AP4S1: variants seen among roughly 807,000 people sequenced by gnomAD.
The protein encoded by AP4S1 is adaptor related protein complex 4 subunit sigma 1.
A neutral mutation model predicts 19.8 loss-of-function variants in AP4S1; 23 were observed. The ratio of observed to expected loss-of-function variants is 1.16; its 90% CI spans 0.84 to 1.65. The LOEUF is 1.65. Ranked by LOEUF, AP4S1 falls within the 40% of genes most tolerant of loss-of-function variation. The pLI, the probability that AP4S1 is intolerant of heterozygous loss-of-function variation, is 0.00. For synonymous variants in AP4S1, 46 were observed against 54.1 expected (o/e 0.85, Z 0.66); for missense variants, 166 against 172.8 (o/e 0.96, Z 0.22).
chr14:31,076,759 T>C (rs10143450), intron 4 of AP4S1, among the ~76,000 whole-genome samples: 33,291 of 152,014 alleles, frequency 0.22, 3,948 homozygotes, highest in African/African-American at 0.28. Context: ...GATCTCTGTG[T>C]CTAGCCTTAC....
rs1270181163 is a variant in AP4S1 at position 31,049,510 on chromosome 14, T to C, written c.-71-16616T>C. 2.4e-3 allele frequency among the ~76,000 whole-genome samples: 135 copies of C among 56,256 alleles called. 1 individual carries two copies. The highest frequency in any genetic ancestry group is 0.012 in the East Asian group (20 of 1,666). 36.9% of individuals were successfully genotyped at this position (56,256 alleles called of 152,430 possible). ...ACACACACACACACACACACACACA[T>C]AAATTACCCTCAAGCCTAAACATCT... On this transcript the variant is annotated intron_variant, in intron 1 of 5. Transcript: ENST00000542754.
chr14:31,090,775 A>AAAC (rs1566549909), intron 5 of AP4S1, among the ~76,000 whole-genome samples: 1 of 152,250 alleles, frequency 6.6e-6, no homozygotes, highest in African/African-American at 2.4e-5. Flanking sequence ...ATCAAGATGT[A>AAAC]AACAACAGCT....
chr14:31,048,261 C>G (rs1304696313), intron 1 of AP4S1, among the ~76,000 whole-genome samples: 1 of 151,494 alleles, frequency 6.6e-6, no homozygotes, highest in Non-Finnish European at 1.5e-5. Flanking sequence ...ACCTGGCTAA[C>G]TTTTTGTATT....
intron 1 of AP4S1, among the ~76,000 whole-genome samples, chr14:31,042,529 A>G (rs1171152405): frequency 1.3e-5 from 2 of 152,004 alleles, no homozygotes; most frequent in African/African-American, 4.8e-5. Context: ...TCCATCCCCC[A>G]CTCCACAGAC....
intron 1 of AP4S1, 122 bp downstream of exon 1, chr14:31,025,909 G>T: frequency 1.2e-6 from 2 of 1,600,606 alleles, no homozygotes; most frequent in East Asian, 2.3e-5. Flanking sequence ...GGTACCTGCA[G>T]TTCGGCCCGT....
intron 1 of AP4S1, among the ~76,000 whole-genome samples, chr14:31,063,284 G>T (rs1456649655): frequency 2.0e-5 from 3 of 152,058 alleles, no homozygotes; most frequent in Non-Finnish European, 4.4e-5. Flanking sequence ...ACAAAAATCA[G>T]CAAGGCATGG....
intron 2 of AP4S1, among the ~76,000 whole-genome samples, chr14:31,067,432 C>T (rs1375909730): frequency 1.6e-5 from 2 of 126,846 alleles, no homozygotes; most frequent in African/African-American, 2.9e-5. Flanking sequence ...CTCCCCCCAC[C>T]CTACCACAGG....
Position 31,082,765 on chromosome 14 carries a change from G to A in AP4S1, c.306+2181G>A, listed in dbSNP as rs557256162. 5.3e-3 allele frequency among the ~76,000 whole-genome samples: 804 copies of A among 152,106 alleles called. 4 individuals are homozygous for A. The highest frequency in any genetic ancestry group is 0.024 in the Middle Eastern group (7 of 294). ...CAAAAAATTAGCCGGGCGCGGTGGC[G>A]GGCGCCTGTAGTCCCAGCTACTTGG... On this transcript the variant is annotated intron_variant, in intron 5 of 5. Coordinates refer to ENST00000542754, the MANE Select transcript of AP4S1 (RefSeq NM_001128126.3).
At chr14:31,074,428 C>T (rs550112470) in intron 4 of AP4S1, among the ~76,000 whole-genome samples, 6 of 151,106 alleles carry the variant, frequency 4.0e-5, no homozygotes, top group Admixed American at 1.3e-4. Context: ...CGAGGCAGGC[C>T]GATCATGAGG....
intron 5 of AP4S1, chr14:31,083,612 C>T (rs1287038792): frequency 2.3e-6 from 1 of 442,294 alleles, no homozygotes; most frequent in Non-Finnish European, 4.5e-6. Context: ...TCAAGTGATC[C>T]TCCTACCTCA....
intron 5 of AP4S1, chr14:31,084,679 C>G (rs1395070988): frequency 2.5e-6 from 4 of 1,585,374 alleles, no homozygotes; most frequent in Admixed American, 1.8e-5. Flanking sequence ...ATTTGTGAAG[C>G]CTGTTTCTAC....
chr14:31,071,935 G>T (rs1887033658), intron 3 of AP4S1, among the ~76,000 whole-genome samples: 1 of 149,714 alleles, frequency 6.7e-6, no homozygotes, highest in South Asian at 2.1e-4. Flanking sequence ...TTTTTTGGGG[G>T]GGTGGGGATG....
At chr14:31,032,097 A>G (rs981856955) in intron 1 of AP4S1, among the ~76,000 whole-genome samples, 60 of 150,874 alleles carry the variant, frequency 4.0e-4, no homozygotes, top group African/African-American at 1.4e-3. Flanking sequence ...AAAAAGAAAA[A>G]AGAGCTGGGC....
At chr14:31,064,315 C>T (rs558099107) in intron 1 of AP4S1, among the ~76,000 whole-genome samples, 1 of 152,062 alleles carries the variant, frequency 6.6e-6, no homozygotes, top group East Asian at 1.9e-4. Flanking sequence ...GTGGCACAAT[C>T]TCAGCTCACT....
intron 3 of AP4S1, 66 bp downstream of exon 3, chr14:31,069,995 T>G: frequency 7.4e-7 from 1 of 1,342,452 alleles, no homozygotes; most frequent in Non-Finnish European, 1.1e-6. Context: ...CTAAGAATTA[T>G]GACTCTCTTG....
intron 1 of AP4S1, among the ~76,000 whole-genome samples, chr14:31,051,926 G>T (rs1442218836): frequency 6.6e-6 from 1 of 152,104 alleles, no homozygotes; most frequent in African/African-American, 2.4e-5. Flanking sequence ...TTCCCAAAGT[G>T]CTGGGATTAC....
intron 1 of AP4S1, among the ~76,000 whole-genome samples, chr14:31,039,575 T>TG (rs1231065227): frequency 1.4e-5 from 2 of 144,498 alleles, no homozygotes; most frequent in Non-Finnish European, 3.1e-5. Context: ...TAGTTTTGTT[T>TG]TTTTTTTTTT....
chr14:31,060,129 C>G (rs975033241), intron 1 of AP4S1, among the ~76,000 whole-genome samples: 2 of 150,840 alleles, frequency 1.3e-5, no homozygotes, highest in Admixed American at 6.7e-5. Flanking sequence ...CTAGTTGCAG[C>G]AAGGAAATAA....
chr14:31,025,763 G>A lies in AP4S1; in HGVS notation c.-96G>A. Reference sequence around the variant, plus strand: ...GGACTCCAGGAAAAGCCGTTGAGAGGACCATCACAACCTGAGCAGCACAGG... The same window carrying A: ...GGACTCCAGGAAAAGCCGTTGAGAGAACCATCACAACCTGAGCAGCACAGG... On this transcript the variant is annotated 5_prime_UTR_variant, in exon 1 of 6. Transcript: ENST00000542754. 13 of 1,159,942 alleles carry A rather than the reference G, an allele frequency of 1.1e-5. No homozygotes were observed. Among genetic ancestry groups the A allele is most frequent in the Non-Finnish European group, 1.5e-5 (13 of 845,412 alleles). The allele number at this position is 1,159,942 out of a possible 1,614,324, so 71.9% of individuals were successfully genotyped here. A position where few individuals can be genotyped will look rare whatever the true frequency, so the allele number is the denominator to read the frequency against.
Sources: gnomAD v4.1 joint callset for allele counts (sites outside exome capture counted in the v4.1 genomes callset) on GRCh38, gnomAD v4.1.1 for gene constraint, MANE v1.5 for transcripts, NCBI Gene and HGNC (gene_info 2026-07-23, HGNC 2026-07-21) for gene names.